Variants in ZNF385D observed in about 807,000 individuals in gnomAD.
ZNF385D encodes the protein zinc finger protein 385D.
ZNF385D carries 15 observed loss-of-function variants against 35.8 expected under a neutral mutation model. That is an observed-to-expected ratio of 0.42 (90% CI 0.28 to 0.64). The LOEUF (loss-of-function observed/expected upper bound fraction) is 0.64. ZNF385D is among the 30% of genes least tolerant of loss of function. The pLI is 0.23. For missense variants in ZNF385D, 474 were observed against 494.6 expected (o/e 0.96, Z 0.39); for synonymous variants, 212 against 186.8 (o/e 1.13, Z -1.10).
chr3:21,787,537 T>G (rs918405605), intron 3 of ZNF385D, among the ~76,000 whole-genome samples: 1 of 151,944 alleles, frequency 6.6e-6, no homozygotes, highest in Admixed American at 6.6e-5. Flanking sequence ...AAGCCCTTTC[T>G]TAGGAGAAAC....
chr3:22,061,327 T>C lies in ZNF385D; in HGVS notation c.325+107490A>G, dbSNP rs563910028. Among the ~76,000 whole-genome samples, 220 of 152,298 alleles carry C rather than the reference T, an allele frequency of 1.4e-3. 1 individual carries two copies. The highest frequency in any genetic ancestry group is 4.8e-3 in the African/African-American group (199 of 41,570). ...TCCTTATTCATTTACTTTTCTTCTG[T>C]CCAAATGTATTTTAGTCCCCCCATT... On this transcript the variant is annotated intron_variant, in intron 3 of 5. Coordinates refer to the ZNF385D transcript ENST00000494108.
At chr3:21,554,494 T>A (rs2062667204) in intron 3 of ZNF385D, among the ~76,000 whole-genome samples, 1 of 152,104 alleles carries the variant, frequency 6.6e-6, no homozygotes, top group South Asian at 2.1e-4. Flanking sequence ...GCCCTAGGAT[T>A]TTTGGAATAG....
At chr3:22,035,058 T>C (rs1293046049) in intron 3 of ZNF385D, among the ~76,000 whole-genome samples, 1 of 152,164 alleles carries the variant, frequency 6.6e-6, no homozygotes, top group African/African-American at 2.4e-5. Flanking sequence ...TATACTGTTG[T>C]TCATGCAAGA....
At chr3:21,600,665 A>G (rs1267107487) in intron 2 of ZNF385D, among the ~76,000 whole-genome samples, 12 of 152,278 alleles carry the variant, frequency 7.9e-5, no homozygotes, top group Non-Finnish European at 4.4e-5. Flanking sequence ...TACAAGACAG[A>G]CCTAACAAAA....
At chr3:22,216,247 T>G (rs1017326259) in intron 2 of ZNF385D, among the ~76,000 whole-genome samples, 4 of 151,992 alleles carry the variant, frequency 2.6e-5, no homozygotes, top group South Asian at 2.1e-4. Context: ...TTTTGTAACT[T>G]GATAAATGTT....
intron 3 of ZNF385D, among the ~76,000 whole-genome samples, chr3:22,166,583 G>T (rs533525309): frequency 6.6e-6 from 1 of 152,172 alleles, no homozygotes; most frequent in Admixed American, 6.5e-5. Context: ...ACTTTGGTTG[G>T]TTATGAGGAA....
intron 3 of ZNF385D, among the ~76,000 whole-genome samples, chr3:22,105,044 G>A (rs781196683): frequency 6.6e-6 from 1 of 152,092 alleles, no homozygotes; most frequent in Non-Finnish European, 1.5e-5. Flanking sequence ...ATTAAACACT[G>A]TTTGAATAAT....
intron 1 of ZNF385D, among the ~76,000 whole-genome samples, chr3:21,728,724 G>C (rs1259745823): frequency 6.6e-6 from 1 of 152,166 alleles, no homozygotes; most frequent in Non-Finnish European, 1.5e-5. Context: ...AGGGGCAGAG[G>C]AGATTCAAGT....
intron 3 of ZNF385D, among the ~76,000 whole-genome samples, chr3:21,788,458 G>A (rs1356816698): frequency 2.0e-5 from 3 of 152,168 alleles, no homozygotes; most frequent in Non-Finnish European, 4.4e-5. Context: ...CAGCCTGGGG[G>A]ATAGAGCGAG....
chr3:21,489,243 A>G (rs1169455109), intron 4 of ZNF385D, among the ~76,000 whole-genome samples: 1 of 152,164 alleles, frequency 6.6e-6, no homozygotes, highest in African/African-American at 2.4e-5. Context: ...AGGAAGCCCC[A>G]AAGAAAGACT....
intron 3 of ZNF385D, among the ~76,000 whole-genome samples, chr3:21,841,970 A>T (rs1026442461): frequency 6.6e-6 from 1 of 151,630 alleles, no homozygotes; most frequent in Non-Finnish European, 1.5e-5. Flanking sequence ...ACACATATAT[A>T]ATTGAATCTA....
At position 22,167,479 on chromosome 3, in the gene ZNF385D, C is replaced by T. The variant is rs139640130; in HGVS notation, c.325+1338G>A. Among the ~76,000 whole-genome samples, 229 of 152,340 alleles carry T rather than the reference C, an allele frequency of 1.5e-3. 2 individuals carry two copies. The highest frequency in any genetic ancestry group is 5.4e-3 in the African/African-American group (224 of 41,572). On this transcript the variant is annotated intron_variant, in intron 3 of 5. Transcript: ENST00000494108. Reference sequence around the variant, plus strand: ...AATAAATTATTCTCTACCCTTCTCACTCTTCGTTTGTCAGCATATCCTCAT... The same window carrying T: ...AATAAATTATTCTCTACCCTTCTCATTCTTCGTTTGTCAGCATATCCTCAT...
At chr3:22,298,966 G>C (rs1702753642) in intron 2 of ZNF385D, among the ~76,000 whole-genome samples, 1 of 151,922 alleles carries the variant, frequency 6.6e-6, no homozygotes, top group Non-Finnish European at 1.5e-5. Context: ...TCTAAGAAAT[G>C]ATTTGGCAGA....
At chr3:21,804,861 ACCACTAT>A (rs139326141) in intron 3 of ZNF385D, among the ~76,000 whole-genome samples, 2 of 151,570 alleles carry the variant, frequency 1.3e-5, no homozygotes, top group African/African-American at 2.4e-5. Flanking sequence ...TATATACTTT[ACCACTAT>A]TATAAGAAAG....
chr3:21,843,894 C>A (rs1027942056), intron 3 of ZNF385D, among the ~76,000 whole-genome samples: 1 of 151,944 alleles, frequency 6.6e-6, no homozygotes. Flanking sequence ...CAAAGCATCT[C>A]ATTTCCTGCT....
chr3:22,341,576 T>C (rs1175691605), intron 2 of ZNF385D, among the ~76,000 whole-genome samples: 2 of 152,224 alleles, frequency 1.3e-5, no homozygotes, highest in African/African-American at 4.8e-5. Context: ...AAAAATATTA[T>C]CCACTATCTG....
chr3:21,495,082 C>A (rs1705724803), intron 4 of ZNF385D, among the ~76,000 whole-genome samples: 1 of 152,082 alleles, frequency 6.6e-6, no homozygotes, highest in Admixed American at 6.6e-5. Context: ...CATTAGTTTT[C>A]ATTGCTTCGA....
intron 4 of ZNF385D, among the ~76,000 whole-genome samples, chr3:21,447,954 T>C (rs1416164606): frequency 6.6e-6 from 1 of 152,188 alleles, no homozygotes; most frequent in Non-Finnish European, 1.5e-5. Flanking sequence ...ATATTGAGTA[T>C]GGAAATAATT....
intron 1 of ZNF385D, among the ~76,000 whole-genome samples, chr3:21,731,728 A>G (rs529435937): frequency 1.3e-5 from 2 of 152,308 alleles, no homozygotes; most frequent in South Asian, 4.1e-4. Context: ...TTGATAGAAA[A>G]AAAGCCACAC....
Sources: gnomAD v4.1 joint callset for allele counts (sites outside exome capture counted in the v4.1 genomes callset) on GRCh38, gnomAD v4.1.1 for gene constraint, MANE v1.5 for transcripts, NCBI Gene and HGNC (gene_info 2026-07-23, HGNC 2026-07-21) for gene names.